The following RBFOX1 variants were observed in gnomAD, a reference collection of about 807,000 sequenced individuals.
RBFOX1 encodes the protein RNA binding protein fox-1 homolog 1.
RBFOX1 carries 8 observed loss-of-function variants against 57.7 expected under a neutral mutation model. The observed-to-expected ratio is 0.14, with a 90% CI of 0.08 to 0.25. The LOEUF is 0.25. Ranked by LOEUF, RBFOX1 falls within the 10% of genes least tolerant of loss-of-function variation. RBFOX1 has a pLI of 1.00. For missense variants in RBFOX1, 611 were observed against 548.5 expected (o/e 1.11, Z -1.14); for synonymous variants, 326 against 222.4 (o/e 1.47, Z -4.15).
chr16:5,569,769 A>G (rs1343025271), intron 2 of RBFOX1, among the ~76,000 whole-genome samples: 2 of 151,908 alleles, frequency 1.3e-5, no homozygotes, highest in African/African-American at 2.4e-5. Context: ...GATCTTTCTG[A>G]TGGACATCCT....
chr16:6,159,558 G>T (rs1275704284), intron 1 of RBFOX1, among the ~76,000 whole-genome samples: 1 of 152,138 alleles, frequency 6.6e-6, no homozygotes, highest in Non-Finnish European at 1.5e-5. Flanking sequence ...GCCCTAAATG[G>T]AGAACCCAAT....
chr16:6,751,748 G>C (rs545968913), intron 3 of RBFOX1, among the ~76,000 whole-genome samples: 1 of 152,200 alleles, frequency 6.6e-6, no homozygotes, highest in Admixed American at 6.5e-5. Context: ...AATTGAACCT[G>C]CGTTGTTTAC....
chr16:7,411,073 G>A (rs530132477), intron 4 of RBFOX1, among the ~76,000 whole-genome samples: 16 of 152,184 alleles, frequency 1.1e-4, no homozygotes, highest in African/African-American at 3.6e-4. Context: ...AGCGTACCGA[G>A]TAGCTGGGAC....
intron 3 of RBFOX1, among the ~76,000 whole-genome samples, chr16:5,780,983 C>T (rs542680276): frequency 2.0e-5 from 3 of 152,186 alleles, no homozygotes; most frequent in Non-Finnish European, 4.4e-5. Context: ...CGGGGTCCCG[C>T]TGGGAGAGGT....
intron 2 of RBFOX1, among the ~76,000 whole-genome samples, chr16:6,612,880 T>A (rs1345011953): frequency 2.2e-5 from 2 of 91,906 alleles, no homozygotes; most frequent in African/African-American, 7.7e-5. Flanking sequence ...AATAATAATA[T>A]TTGTTTGTTC....
At chr16:6,545,476 C>G (rs144834311) in intron 2 of RBFOX1, among the ~76,000 whole-genome samples, 63 of 152,256 alleles carry the variant, frequency 4.1e-4, no homozygotes, top group Middle Eastern at 3.4e-3. Context: ...GCCTTGGAGA[C>G]GTGTGCCTCT....
intron 3 of RBFOX1, among the ~76,000 whole-genome samples, chr16:5,820,818 C>T (rs2055822456): frequency 6.6e-6 from 1 of 152,174 alleles, no homozygotes; most frequent in Non-Finnish European, 1.5e-5. Context: ...TAGATCCAGC[C>T]CTCTCTTTGA....
At chr16:6,677,825 C>G (rs930031627) in intron 3 of RBFOX1, among the ~76,000 whole-genome samples, 5 of 152,118 alleles carry the variant, frequency 3.3e-5, no homozygotes, top group African/African-American at 1.2e-4. Context: ...TTTTATGTAT[C>G]TACCAGTGAC....
intron 2 of RBFOX1, among the ~76,000 whole-genome samples, chr16:6,359,888 G>C (rs2088115906): frequency 6.6e-6 from 1 of 152,120 alleles, no homozygotes; most frequent in Admixed American, 6.5e-5. Flanking sequence ...GCTTCATCCA[G>C]TGCCTAAAAT....
At chr16:7,082,182 G>A (rs11640128) in intron 4 of RBFOX1, among the ~76,000 whole-genome samples, 105,883 of 151,970 alleles carry the variant, frequency 0.7, 37,749 homozygotes, top group East Asian at 0.91. Context: ...GGATATTTTA[G>A]CTACTGCAAC....
chr16:7,029,348 A>T lies in RBFOX1; in HGVS notation c.-15-22709A>T, dbSNP rs114369557. Among the ~76,000 whole-genome samples the T allele has an allele frequency of 1.0e-3, 154 of 149,136 alleles. 1 individual carries two copies. Among genetic ancestry groups the T allele is most frequent in the African/African-American group, 3.4e-3 (137 of 40,144 alleles). On this transcript the variant is annotated intron_variant, in intron 3 of 15. Coordinates refer to ENST00000550418, the MANE Select transcript of RBFOX1 (RefSeq NM_018723.4). Reference sequence around the variant, plus strand: ...CAAGAAGAGCCAGAAGAGATTGGAAAGCTCTTTGGCCCTGATAGAAGAAAG... The same window carrying T: ...CAAGAAGAGCCAGAAGAGATTGGAATGCTCTTTGGCCCTGATAGAAGAAAG...
intron 3 of RBFOX1, among the ~76,000 whole-genome samples, chr16:6,757,047 AT>A (rs201184760): frequency 1.4e-5 from 2 of 147,636 alleles, no homozygotes; most frequent in East Asian, 4.0e-4. Context: ...TATAAAAAAA[AT>A]GCTTATTATC....
At chr16:7,234,636 ATATG>A (rs2093677654) in intron 4 of RBFOX1, among the ~76,000 whole-genome samples, 6 of 148,748 alleles carry the variant, frequency 4.0e-5, no homozygotes, top group African/African-American at 1.5e-4. Context: ...GTGCTTGTGT[ATATG>A]TGTGTGTTTG....
chr16:7,651,356 T>C (rs1363527095), intron 11 of RBFOX1, among the ~76,000 whole-genome samples: 1 of 152,184 alleles, frequency 6.6e-6, no homozygotes, highest in Admixed American at 6.5e-5. Flanking sequence ...TCACCCACCA[T>C]GTAAGTACAA....
intron 2 of RBFOX1, among the ~76,000 whole-genome samples, chr16:5,502,819 C>T (rs889760976): frequency 3.3e-5 from 5 of 152,156 alleles, no homozygotes; most frequent in South Asian, 2.1e-4. Context: ...GACTCTTCCG[C>T]GTCTCAGGGG....
chr16:5,731,559 G>C (rs982110593), intron 3 of RBFOX1, among the ~76,000 whole-genome samples: 4 of 152,142 alleles, frequency 2.6e-5, no homozygotes, highest in Non-Finnish European at 5.9e-5. Flanking sequence ...GGGTAGAGGG[G>C]CTCTCTTGCT....
intron 2 of RBFOX1, among the ~76,000 whole-genome samples, chr16:5,522,344 A>C (rs1407911991): frequency 6.6e-6 from 1 of 152,240 alleles, no homozygotes; most frequent in Non-Finnish European, 1.5e-5. Flanking sequence ...CACGTTGCAT[A>C]CATACATAGG....
intron 2 of RBFOX1, among the ~76,000 whole-genome samples, chr16:5,571,829 C>G (rs751238996): frequency 1.3e-5 from 2 of 152,212 alleles, no homozygotes. Flanking sequence ...CAAATATAGT[C>G]TTTTGTCTTT....
chr16:7,268,942 C>T (rs748587342), intron 4 of RBFOX1, among the ~76,000 whole-genome samples: 1 of 147,616 alleles, frequency 6.8e-6, no homozygotes, highest in Non-Finnish European at 1.5e-5. Flanking sequence ...GAGCCTGAGG[C>T]AGGAGAACCG....
Sources: gnomAD v4.1 joint callset for allele counts (sites outside exome capture counted in the v4.1 genomes callset) on GRCh38, gnomAD v4.1.1 for gene constraint, MANE v1.5 for transcripts, NCBI Gene and HGNC (gene_info 2026-07-23, HGNC 2026-07-21) for gene names.